Variants in HLA-DPB1 observed in about 807,000 individuals in gnomAD.
HLA-DPB1 encodes HLA class II histocompatibility antigen, DP beta 1 chain.
In HLA-DPB1, 30 loss-of-function variants were observed where a neutral mutation model predicts 29.4. The ratio of observed to expected loss-of-function variants is 1.02; its 90% CI spans 0.76 to 1.38. The LOEUF is 1.38. Ranked by LOEUF, HLA-DPB1 falls within the 40% of genes most tolerant of loss-of-function variation. The probability of loss-of-function intolerance (pLI) is 0.00; values close to 1 mark genes in which losing one functional copy is unlikely to be tolerated. For synonymous variants in HLA-DPB1, 114 were observed against 134.0 expected (o/e 0.85, Z 1.03); for missense variants, 261 against 327.5 (o/e 0.80, Z 1.57).
chr6:33,087,641 C>T lies in HLA-DPB1; in HGVS notation c.*1107C>T, dbSNP rs1402004085. ...CTTCTGGGCCTTGTGTGTCCCTGGG[C>T]ACCTGTCCCTGGTCAATTCCCGAAA... On this transcript the variant is annotated 3_prime_UTR_variant, in exon 6 of 6. Coordinates refer to ENST00000418931, the MANE Select transcript of HLA-DPB1 (RefSeq NM_002121.6). Among the ~76,000 whole-genome samples the T allele has an allele frequency of 4.6e-5, 7 of 152,180 alleles. No homozygotes were observed. The highest frequency in any genetic ancestry group is 2.6e-4 in the Admixed American group (4 of 15,278).
Position 33,087,531 on chromosome 6 carries a change from C to T in HLA-DPB1, c.*997C>T, listed in dbSNP as rs9277544. Among the ~76,000 whole-genome samples, 57,560 of 151,666 alleles carry T rather than the reference C, an allele frequency of 0.38. 12,315 individuals are homozygous for T. The highest frequency in any genetic ancestry group is 0.64 in the East Asian group (3,273 of 5,136). ...TTTTTCGTGTAGAGGATGGATTCTT[C>T]ACTCCTGATACACACAATCAGTGCA... On this transcript the variant is annotated 3_prime_UTR_variant, in exon 6 of 6. Coordinates refer to ENST00000418931, the MANE Select transcript of HLA-DPB1 (RefSeq NM_002121.6).
rs41560217 is a variant in HLA-DPB1 at position 33,080,868 on chromosome 6, G to A, written c.297G>A (p.Arg99=). 6.2e-7 allele frequency: 1 copy of A among 1,612,990 alleles called. No individual in the cohort carries two copies. The highest frequency in any genetic ancestry group is 8.5e-7 in the Non-Finnish European group (1 of 1,179,684). The change falls in exon 2 of 6, where the codon CGG becomes CGA. Residue 99 remains arginine (R), a synonymous_variant. Coordinates refer to ENST00000418931, the MANE Select transcript of HLA-DPB1 (RefSeq NM_002121.6). The surrounding 1 kb of genome is among the most constrained non-coding windows in gnomAD (Gnocchi z 4.3). ...NSQKDILEEK[R]AVPDRMCRHN... is the part of the protein sequence containing the mutation. ...AGAAGGACATCCTGGAGGAGAAGCG[G>A]GCAGTGCCGGACAGGATGTGCAGAC... is the stretch of plus-strand genomic sequence containing the variant.
At chr6:33,086,037 C>A (rs901266010) in intron 4 of HLA-DPB1, 148 bp downstream of exon 4, 1 of 769,300 alleles carries the variant, frequency 1.3e-6, no homozygotes, top group Non-Finnish European at 2.2e-6. Flanking sequence ...TGACCTATAG[C>A]GAGAGAGGGA....
chr6:33,078,755 A>T (rs2150369815), intron 1 of HLA-DPB1, among the ~76,000 whole-genome samples: 1 of 152,366 alleles, frequency 6.6e-6, no homozygotes, highest in East Asian at 1.9e-4. Context: ...AATTAAAAAA[A>T]TTAAATGTTG....
chr6:33,081,654 G>C (rs555431967), intron 2 of HLA-DPB1, among the ~76,000 whole-genome samples: 1 of 152,276 alleles, frequency 6.6e-6, no homozygotes, highest in East Asian at 1.9e-4. Flanking sequence ...GAGACCTGGG[G>C]AGAGCAGGTT....
intron 2 of HLA-DPB1, among the ~76,000 whole-genome samples, chr6:33,081,772 T>G (rs2856828): frequency 0.064 from 9,732 of 152,174 alleles, 528 homozygotes; most frequent in African/African-American, 0.15. Context: ...CCCACGGCTG[T>G]CACAGGGCAG....
chr6:33,084,978 C>T lies in HLA-DPB1; in HGVS notation c.393C>T (p.Ser131=), dbSNP rs752423599. ...AGCCTAGGGTGAATGTTTCCCCCTC[C>T]AAGAAGGGGCCCTTGCAGCACCACA... ...RVQPRVNVSP[S]KKGPLQHHNL... Residue 131 remains serine (S), a synonymous_variant, in exon 3 of 6, where the codon TCC becomes TCT. Coordinates refer to ENST00000418931, the MANE Select transcript of HLA-DPB1 (RefSeq NM_002121.6). 6.3e-6 allele frequency: 10 copies of T among 1,599,946 alleles called. 1 individual carries two copies. In the East Asian group the frequency reaches 2.0e-4, roughly 32 times the overall value.
At chr6:33,076,645 G>C (rs1762555571) in intron 1 of HLA-DPB1, among the ~76,000 whole-genome samples, 1 of 152,138 alleles carries the variant, frequency 6.6e-6, no homozygotes, top group South Asian at 2.1e-4. Flanking sequence ...GGGAGGGAGG[G>C]GGATAGGTTT....
At chr6:33,086,462 C>A in intron 5 of HLA-DPB1, 77 bp from the exon 6 acceptor site, 1 of 698,666 alleles carries the variant, frequency 1.4e-6, no homozygotes. Flanking sequence ...GACGCATCCT[C>A]TCACCATAAT....
chr6:33,077,290 G>C (rs1433114179), intron 1 of HLA-DPB1, among the ~76,000 whole-genome samples: 1 of 152,054 alleles, frequency 6.6e-6, no homozygotes, highest in Non-Finnish European at 1.5e-5. Flanking sequence ...TGGTGTATAT[G>C]TGTGCATTTT....
In HLA-DPB1 at chr6:33,085,832, G is replaced by A. The variant is rs11551421; in HGVS notation, c.700G>A (p.Val234Met). ...GACATTGACGGGAGCTGGGGGCTTC[G>A]TGCTGGGGCTCATCATCTGTGGAGT... The part of the protein sequence containing the change: ...SKTLTGAGGF[V>M]LGLIICGVGI... The change falls in exon 4 of 6, where the codon GTG becomes ATG. Residue 234 changes from valine (V) to methionine (M), a missense_variant. Transcript: ENST00000418931. The A allele has an allele frequency of 0.05, 81,352 of 1,613,836 alleles. 5,230 individuals are homozygous for A. Among genetic ancestry groups the A allele is most frequent in the East Asian group, 0.4 (18,038 of 44,850 alleles).
chr6:33,076,655 T>G (rs1762556323), intron 1 of HLA-DPB1, among the ~76,000 whole-genome samples: 1 of 152,158 alleles, frequency 6.6e-6, no homozygotes, highest in Non-Finnish European at 1.5e-5. Context: ...GGGATAGGTT[T>G]TAGCCCCTGA....
At chr6:33,083,923 C>G (rs1409104729) in intron 2 of HLA-DPB1, 1 of 132,502 alleles carries the variant, frequency 7.5e-6, no homozygotes, top group Non-Finnish European at 1.6e-5. Context: ...ATCTGTGAGA[C>G]CTTCATGGGA....
intron 1 of HLA-DPB1, among the ~76,000 whole-genome samples, chr6:33,076,345 G>A (rs2150366889): frequency 6.6e-6 from 1 of 150,662 alleles, no homozygotes; most frequent in African/African-American, 2.5e-5. Flanking sequence ...CAAGGACATG[G>A]GTACAGTAAA....
rs935097101 is a variant in HLA-DPB1 at position 33,080,314 on chromosome 6, C to A, written c.101-358C>A. 5 of 452,368 alleles carry A rather than the reference C, an allele frequency of 1.1e-5. No individual in the cohort carries two copies. The highest frequency in any genetic ancestry group is 2.8e-5 in the Admixed American group (1 of 36,220). 28.0% of individuals were successfully genotyped at this position (452,368 alleles called of 1,614,324 possible). A position where few individuals can be genotyped will look rare whatever the true frequency, so the allele number is the denominator to read the frequency against. The stretch of plus-strand genomic sequence containing the variant: ...GGGAGCAGCTCCGCCCTCCACGTCC[C>A]CAGCTCCTCCCGCCCCTGTTTTTTC... On this transcript the variant is annotated intron_variant, in intron 1 of 5. Transcript: ENST00000418931. This position sits in a 1 kb window ranked among gnomAD's most constrained non-coding sequence, Gnocchi z 4.3.
At chr6:33,081,040 A>G in intron 2 of HLA-DPB1, 105 bp downstream of exon 2, 1 of 1,312,266 alleles carries the variant, frequency 7.6e-7, no homozygotes, top group Non-Finnish European at 1.0e-6. Context: ...GCCGGGCGGA[A>G]AGGGGACTTT....
intron 1 of HLA-DPB1, among the ~76,000 whole-genome samples, chr6:33,078,431 G>A (rs1284440227): frequency 6.6e-6 from 1 of 152,134 alleles, no homozygotes; most frequent in South Asian, 2.1e-4. Context: ...AAGACCAAAG[G>A]GCTGAGGAGC....
chr6:33,089,354 C>T lies in HLA-DPB1; in HGVS notation c.*2820C>T, dbSNP rs73743107. Among the ~76,000 whole-genome samples, 8,210 of 152,254 alleles carry T rather than the reference C, an allele frequency of 0.054. 332 individuals carry two copies. The highest frequency in any genetic ancestry group is 0.095 in the African/African-American group (3,931 of 41,516). ...TTTTACACAGTAAGAATAGGATCAG[C>T]TGTGCTAAACTAACAAATACCCAGA... is the stretch of plus-strand genomic sequence containing the variant. On this transcript the variant is annotated 3_prime_UTR_variant, in exon 6 of 6. Coordinates refer to ENST00000418931, the MANE Select transcript of HLA-DPB1 (RefSeq NM_002121.6).
intron 3 of HLA-DPB1, 98 bp from the exon 4 acceptor site, chr6:33,085,679 TCA>T (rs2150378139): frequency 1.2e-6 from 1 of 848,318 alleles, no homozygotes; most frequent in East Asian, 2.5e-5. Context: ...TGCACTGTCC[TCA>T]TCCCGATATG....
Sources: allele counts gnomAD v4.1 joint callset (sites outside exome capture counted in the v4.1 genomes callset), GRCh38; gene constraint gnomAD v4.1.1; non-coding constraint Gnocchi (gnomAD v3.1); transcripts MANE v1.5; gene names NCBI Gene and HGNC (gene_info 2026-07-23, HGNC 2026-07-21).